The following KLRK1 variants were observed in gnomAD, a reference collection of about 807,000 sequenced individuals.
The protein encoded by KLRK1 is killer cell lectin like receptor K1.
In KLRK1, 40 loss-of-function variants were observed where a neutral mutation model predicts 31.3. That is an observed-to-expected ratio of 1.28 (90% CI 0.99 to 1.67). KLRK1 has a LOEUF of 1.67. Ranked by LOEUF, KLRK1 falls within the 40% of genes most tolerant of loss-of-function variation. The probability of loss-of-function intolerance (pLI) is 0.00; values close to 1 mark genes in which losing one functional copy is unlikely to be tolerated. For synonymous variants in KLRK1, 77 were observed against 77.3 expected, an observed-to-expected ratio of 1.00 and a Z score of 0.02; for missense variants, 251 against 260.0, an observed-to-expected ratio of 0.97 and a Z score of 0.24.
At chr12:10,389,831 A>G (rs1341791370) in intron 1 of KLRK1, 112 bp downstream of exon 1, 1 of 152,134 alleles carries the variant, frequency 6.6e-6, no homozygotes, top group Non-Finnish European at 1.5e-5. Context: ...TCAAGCATCT[A>G]AGAAACAATT....
chr12:10,379,871 A>C (rs1406737384), intron 3 of KLRK1, 79 bp from the exon 4 acceptor site: 1 of 1,307,486 alleles, frequency 7.6e-7, no homozygotes, highest in East Asian at 2.6e-5. Flanking sequence ...TAAATATTAG[A>C]GTTTTTTAAA....
intron 7 of KLRK1, among the ~76,000 whole-genome samples, chr12:10,375,598 T>TAAAG (rs1862950150): frequency 6.6e-6 from 1 of 152,176 alleles, no homozygotes; most frequent in East Asian, 1.9e-4. Flanking sequence ...CCCCTTGAAA[T>TAAAG]AAAGAATTAT....
In KLRK1 at chr12:10,376,012, T is replaced by C. The variant is rs554334064; in HGVS notation, c.533+2120A>G. On this transcript the variant is annotated intron_variant, in intron 7 of 7. Transcript: ENST00000240618. The stretch of plus-strand genomic sequence containing the variant: ...TAAGAGATTTGAAGAAATAAAGAAA[T>C]GTAAAGATATGCAGAAGGTCACCTT... Among the ~76,000 whole-genome samples the C allele has an allele frequency of 6.8e-4, 103 of 152,222 alleles. 1 individual carries two copies. The highest frequency in any genetic ancestry group is 2.5e-3 in the African/African-American group (102 of 41,538).
At position 10,373,076 on chromosome 12, in the gene KLRK1, T is replaced by A. The variant is rs760962710; in HGVS notation, c.*38A>T. On this transcript the variant is annotated 3_prime_UTR_variant, in exon 8 of 8. Coordinates refer to ENST00000240618, the MANE Select transcript of KLRK1 (RefSeq NM_007360.4). The stretch of plus-strand genomic sequence containing the variant: ...CAGTGTTACCGCTGGTGTAATCTCT[T>A]CTCTGTTCCTGGCTTTTATTGAGAT... The A allele has an allele frequency of 6.3e-7, 1 of 1,581,712 alleles. No homozygotes were observed. Among genetic ancestry groups the A allele is most frequent in the Non-Finnish European group, 8.7e-7 (1 of 1,153,382 alleles).
chr12:10,382,948 C>T (rs1437117582), intron 3 of KLRK1, among the ~76,000 whole-genome samples: 1 of 151,922 alleles, frequency 6.6e-6, no homozygotes, highest in African/African-American at 2.4e-5. Context: ...AAAATAATTG[C>T]TATAAGCTAT....
Position 10,388,751 on chromosome 12 carries a change from C to T in KLRK1, c.40+20G>A. ...AATTGTATAAAAACAAAACTACACA[C>T]TTATGTGGTAAAAACATACCCCAGC... On this transcript the variant is annotated intron_variant, in intron 2 of 7. Coordinates refer to ENST00000240618, the MANE Select transcript of KLRK1 (RefSeq NM_007360.4). 2 of 1,612,922 alleles carry T rather than the reference C, an allele frequency of 1.2e-6. No individual in the cohort carries two copies. Among genetic ancestry groups the T allele is most frequent in the Non-Finnish European group, 1.7e-6 (2 of 1,179,864 alleles).
At chr12:10,379,550 T>C (rs1591581701) in intron 4 of KLRK1, 68 bp from the exon 5 acceptor site, 13 of 1,319,088 alleles carry the variant, frequency 9.9e-6, no homozygotes, top group Non-Finnish European at 1.3e-5. Flanking sequence ...CAAATATAGT[T>C]TACAAATTTC....
intron 3 of KLRK1, among the ~76,000 whole-genome samples, chr12:10,381,249 A>C (rs568721504): frequency 3.8e-4 from 48 of 125,802 alleles, no homozygotes; most frequent in African/African-American, 1.5e-3. Context: ...GATATATTCA[A>C]AATGCCAAAA....
intron 3 of KLRK1, among the ~76,000 whole-genome samples, chr12:10,385,161 C>T (rs1863143089): frequency 1.3e-5 from 2 of 151,858 alleles, no homozygotes; most frequent in Non-Finnish European, 2.9e-5. Flanking sequence ...TTAGTATAGC[C>T]ATTATGGAAA....
chr12:10,387,632 G>A (rs1254139083), intron 2 of KLRK1, among the ~76,000 whole-genome samples: 3 of 150,236 alleles, frequency 2.0e-5, no homozygotes, highest in South Asian at 2.1e-4. Context: ...TGCAACCGCC[G>A]CCTCCTGGGT....
At chr12:10,375,645 GATATT>G (rs1219222696) in intron 7 of KLRK1, among the ~76,000 whole-genome samples, 2 of 152,138 alleles carry the variant, frequency 1.3e-5, no homozygotes, top group South Asian at 2.1e-4. Context: ...CAATATTTGT[GATATT>G]ATGAGACTGA....
chr12:10,374,766 G>GTACC (rs1862932255), intron 7 of KLRK1, among the ~76,000 whole-genome samples: 2 of 147,660 alleles, frequency 1.4e-5, no homozygotes, highest in South Asian at 4.1e-4. Context: ...TTCTGCCAGA[G>GTACC]TACCTAACTA....
At position 10,379,500 on chromosome 12, in the gene KLRK1, AGT is replaced by A; in HGVS notation, c.242-20_242-19del. 6.9e-7 allele frequency: 1 copy of A among 1,444,010 alleles called. No individual in the cohort carries two copies. Among genetic ancestry groups the A allele is most frequent in the Non-Finnish European group, 9.5e-7 (1 of 1,056,538 alleles). 89.4% of individuals were successfully genotyped at this position (1,444,010 alleles called of 1,614,324 possible). On this transcript the variant is annotated intron_variant, in intron 4 of 7. Coordinates refer to ENST00000240618, the MANE Select transcript of KLRK1 (RefSeq NM_007360.4). ...GAATAATGCTATTAAAATAACCATA[AGT>A]ATTAAAAGTTTGTATTGTTAGTAAC... is the stretch of plus-strand genomic sequence containing the variant.
At chr12:10,382,348 T>G (rs1565493448) in intron 3 of KLRK1, among the ~76,000 whole-genome samples, 1 of 152,104 alleles carries the variant, frequency 6.6e-6, no homozygotes, top group African/African-American at 2.4e-5. Flanking sequence ...GGAAGCAAAA[T>G]TTAAAAAGCA....
intron 5 of KLRK1, 56 bp downstream of exon 5, chr12:10,379,391 T>C: frequency 9.1e-7 from 1 of 1,096,636 alleles, no homozygotes; most frequent in Non-Finnish European, 1.3e-6. Flanking sequence ...GTCTACACAA[T>C]AATGTAGGTA....
chr12:10,382,616 G>A (rs1170529086), intron 3 of KLRK1, among the ~76,000 whole-genome samples: 1 of 152,052 alleles, frequency 6.6e-6, no homozygotes, highest in African/African-American at 2.4e-5. Flanking sequence ...AGAAAAAAAA[G>A]AACACAAATG....
intron 7 of KLRK1, among the ~76,000 whole-genome samples, chr12:10,376,711 C>T (rs1419716632): frequency 6.6e-6 from 1 of 152,036 alleles, no homozygotes; most frequent in African/African-American, 2.4e-5. Context: ...CAAATAAGCA[C>T]ACACAAAAAA....
In KLRK1 at chr12:10,379,786, G is replaced by A. The variant is rs1464357498; in HGVS notation, c.155C>T (p.Pro52Leu). The A allele has an allele frequency of 6.2e-7, 1 of 1,610,718 alleles. No homozygotes were observed. Among genetic ancestry groups the A allele is most frequent in the South Asian group, 1.1e-5 (1 of 90,194 alleles). ...AGCGATGAAGCAGCAGAAAAAAAAT[G>A]GAGATGCTGTCAAAGAAAAAAGACA... ...VKSKCRENASPFFFCCFIAVA... is the reference protein window; with the variant it reads ...VKSKCRENASLFFFCCFIAVA... The change falls in exon 4 of 8, where the codon CCA (proline) becomes CTA (leucine). Residue 52 changes from proline (P) to leucine (L), a missense_variant. By Grantham distance (98) the Pro-to-Leu change is moderately conservative (BLOSUM62 -3). Coordinates refer to ENST00000240618, the MANE Select transcript of KLRK1 (RefSeq NM_007360.4).
intron 7 of KLRK1, among the ~76,000 whole-genome samples, chr12:10,377,110 C>T (rs1436889728): frequency 6.6e-6 from 1 of 152,156 alleles, no homozygotes; most frequent in Non-Finnish European, 1.5e-5. Flanking sequence ...AACCACTGCA[C>T]CCAGCCAGTA....
Sources: allele counts gnomAD v4.1 joint callset (sites outside exome capture counted in the v4.1 genomes callset), GRCh38; gene constraint gnomAD v4.1.1; transcripts MANE v1.5; gene names NCBI Gene and HGNC (gene_info 2026-07-23, HGNC 2026-07-21).